Variants in MAMDC2 observed in about 807,000 individuals in gnomAD.
MAMDC2 encodes the protein MAM domain containing 2.
In MAMDC2, 57 loss-of-function variants were observed where a neutral mutation model predicts 89.8. That is an observed-to-expected ratio of 0.63 (90% CI 0.51 to 0.79). The LOEUF (loss-of-function observed/expected upper bound fraction) is 0.79, where lower values mean the gene tolerates loss of function less well. MAMDC2 is among the 30% of genes least tolerant of loss of function. The pLI is 0.00. For missense variants in MAMDC2, 800 were observed against 820.6 expected (o/e 0.97, Z 0.31); for synonymous variants, 313 against 293.4 (o/e 1.07, Z -0.68).
chr9:70,199,583 G>A (rs917323041), intron 11 of MAMDC2, among the ~76,000 whole-genome samples: 2 of 110,962 alleles, frequency 1.8e-5, no homozygotes, highest in African/African-American at 6.2e-5. Context: ...GGATGGCTGG[G>A]TCAAATGGTA....
At chr9:70,197,959 G>A (rs955832384) in intron 11 of MAMDC2, among the ~76,000 whole-genome samples, 3 of 151,938 alleles carry the variant, frequency 2.0e-5, no homozygotes, top group East Asian at 1.9e-4. Flanking sequence ...ATTATCTCAC[G>A]TCAGCACAAG....
intron 11 of MAMDC2, among the ~76,000 whole-genome samples, chr9:70,192,247 A>C (rs2032895704): frequency 6.6e-6 from 1 of 151,910 alleles, no homozygotes; most frequent in Non-Finnish European, 1.5e-5. Context: ...TTTTTTTCTA[A>C]TTTTTCTCAG....
chr9:70,140,849 T>C (rs2031190487), intron 8 of MAMDC2, among the ~76,000 whole-genome samples: 1 of 152,224 alleles, frequency 6.6e-6, no homozygotes, highest in South Asian at 2.1e-4. Context: ...GGAAAAGCTA[T>C]TAAAAAATGT....
In MAMDC2 at chr9:70,130,045, T is replaced by A. The variant is rs78333283; in HGVS notation, c.901-1474T>A. Among the ~76,000 whole-genome samples, 71 of 147,532 alleles carry A rather than the reference T, an allele frequency of 4.8e-4. No individual in the cohort carries two copies. In the East Asian group the frequency reaches 7.6e-3, roughly 16 times the overall value. On this transcript the variant is annotated intron_variant, in intron 6 of 13. Coordinates refer to ENST00000377182, the MANE Select transcript of MAMDC2 (RefSeq NM_153267.5). ...GTGTGTGTGTGTGTGTGTGTGTGTG[T>A]GAGAGTGTCTGCATCCAAATTTCTC...
intron 2 of MAMDC2, chr9:70,089,123 G>A (rs1358255274): frequency 2.0e-5 from 3 of 152,112 alleles, no homozygotes; most frequent in African/African-American, 7.2e-5. Flanking sequence ...TTCTAAGTAA[G>A]AGCTACCTGA....
At chr9:70,107,110 C>A (rs886590508) in intron 2 of MAMDC2, among the ~76,000 whole-genome samples, 2 of 152,064 alleles carry the variant, frequency 1.3e-5, no homozygotes, top group African/African-American at 4.8e-5. Context: ...ATGTGGGGCC[C>A]TCCGAGAAAG....
chr9:70,127,329 A>C (rs2118347930), intron 6 of MAMDC2, among the ~76,000 whole-genome samples: 1 of 152,326 alleles, frequency 6.6e-6, no homozygotes, highest in South Asian at 2.1e-4. Context: ...CCGAAAGCTG[A>C]GGAAGGAGGC....
chr9:70,159,331 G>A (rs2118482961), intron 9 of MAMDC2, among the ~76,000 whole-genome samples: 1 of 152,270 alleles, frequency 6.6e-6, no homozygotes, highest in Non-Finnish European at 1.5e-5. Flanking sequence ...TACTGAGAGA[G>A]TGGAAACTAC....
At chr9:70,143,198 C>T (rs1020427198) in intron 8 of MAMDC2, among the ~76,000 whole-genome samples, 7 of 152,208 alleles carry the variant, frequency 4.6e-5, no homozygotes, top group South Asian at 2.1e-4. Context: ...GTTCAGTCCT[C>T]GGAATGTACA....
At chr9:70,221,408 G>GAGAGAGAGA (rs2033563067) in intron 12 of MAMDC2, among the ~76,000 whole-genome samples, 1 of 110,892 alleles carries the variant, frequency 9.0e-6, no homozygotes, top group Non-Finnish European at 1.9e-5. Context: ...GAGAGAGAGA[G>GAGAGAGAGA]TAACATCAGA....
chr9:70,218,654 CTT>C (rs2033495852), intron 12 of MAMDC2, 58 bp downstream of exon 12: 1 of 1,499,138 alleles, frequency 6.7e-7, no homozygotes, highest in African/African-American at 1.4e-5. Flanking sequence ...TTCTGATGTT[CTT>C]TCTTATTCTT....
At chr9:70,052,743 C>T (rs1826941029) in intron 2 of MAMDC2, among the ~76,000 whole-genome samples, 2 of 152,136 alleles carry the variant, frequency 1.3e-5, no homozygotes, top group South Asian at 4.1e-4. Flanking sequence ...AATAAAAAAT[C>T]CTTAACATTT....
intron 11 of MAMDC2, among the ~76,000 whole-genome samples, chr9:70,180,313 G>T (rs763504263): frequency 4.6e-5 from 7 of 152,162 alleles, no homozygotes; most frequent in Non-Finnish European, 8.8e-5. Flanking sequence ...AAATAGTGCT[G>T]CAGTAAACAT....
At chr9:70,076,295 C>T (rs979257880) in intron 2 of MAMDC2, among the ~76,000 whole-genome samples, 7 of 152,044 alleles carry the variant, frequency 4.6e-5, no homozygotes, top group African/African-American at 1.7e-4. Flanking sequence ...GTGGCAGGCA[C>T]CTGTAGTTTC....
Position 70,098,745 on chromosome 9 carries a change from G to A in MAMDC2, c.149-9466G>A, listed in dbSNP as rs531748645. Among the ~76,000 whole-genome samples, 7 of 152,300 alleles carry A rather than the reference G, an allele frequency of 4.6e-5. No homozygotes were observed. In the South Asian group the frequency reaches 6.2e-4, roughly 14 times the overall value. ...TATTTGGAGACAGCCTGGTGCAGGG[G>A]AAAAGGCATGGACTTTGTGCCTCAG... is the stretch of plus-strand genomic sequence containing the variant. On this transcript the variant is annotated intron_variant, in intron 2 of 13. Coordinates refer to ENST00000377182, the MANE Select transcript of MAMDC2 (RefSeq NM_153267.5).
intron 2 of MAMDC2, among the ~76,000 whole-genome samples, chr9:70,090,337 G>A (rs1321104262): frequency 6.6e-6 from 1 of 151,800 alleles, no homozygotes; most frequent in East Asian, 1.9e-4. Flanking sequence ...TTTAAAAATT[G>A]GCCTGGTGTG....
chr9:70,202,278 A>G (rs2033117062), intron 11 of MAMDC2, among the ~76,000 whole-genome samples: 1 of 151,520 alleles, frequency 6.6e-6, no homozygotes, highest in Non-Finnish European at 1.5e-5. Context: ...GGTTTCAAAC[A>G]ACATCTTTAT....
At position 70,043,989 on chromosome 9, in the gene MAMDC2, C is replaced by T. The variant is rs1826667849; in HGVS notation, c.-209C>T. 3 of 617,374 alleles carry T rather than the reference C, an allele frequency of 4.9e-6. No homozygotes were observed. Among genetic ancestry groups the T allele is most frequent in the Admixed American group, 5.8e-5 (2 of 34,240 alleles). The allele number at this position is 617,374 out of a possible 1,614,324, so 38.2% of individuals were successfully genotyped here. On this transcript the variant is annotated 5_prime_UTR_variant, in exon 1 of 14. Transcript: ENST00000377182. ...TGCTCAGCGCCGGGGCGCTGGCGCTCTCCATTCGAGCACCTTCCAGCATAC... is the reference window on the plus strand; with the variant it reads ...TGCTCAGCGCCGGGGCGCTGGCGCTTTCCATTCGAGCACCTTCCAGCATAC...
chr9:70,140,646 G>A (rs2031182804), intron 8 of MAMDC2, among the ~76,000 whole-genome samples: 1 of 152,156 alleles, frequency 6.6e-6, no homozygotes, highest in South Asian at 2.1e-4. Context: ...CAGGGGCCGT[G>A]GCAGAGGGAA....
Sources: allele counts gnomAD v4.1 joint callset (sites outside exome capture counted in the v4.1 genomes callset), GRCh38; gene constraint gnomAD v4.1.1; transcripts MANE v1.5; gene names NCBI Gene and HGNC (gene_info 2026-07-23, HGNC 2026-07-21).